The following ABHD5 variants were observed in gnomAD, a reference collection of about 807,000 sequenced individuals.
ABHD5 encodes 1-acylglycerol-3-phosphate O-acyltransferase ABHD5.
ABHD5 carries 30 observed loss-of-function variants against 44.9 expected under a neutral mutation model. That is an observed-to-expected ratio of 0.67 (90% confidence interval 0.50 to 0.91). The LOEUF (loss-of-function observed/expected upper bound fraction) is 0.91, where lower values mean the gene tolerates loss of function less well. Among genes scored for constraint, ABHD5 ranks in the 40% least tolerant of loss-of-function variants. ABHD5 has a pLI of 0.00. For missense variants in ABHD5, 399 were observed against 423.4 expected, an observed-to-expected ratio of 0.94 and a Z score of 0.50; for synonymous variants, 167 against 147.0, an observed-to-expected ratio of 1.14 and a Z score of -0.99.
intron 7 of ABHD5, among the ~76,000 whole-genome samples, chr3:43,733,151 C>G (rs1321256991): frequency 6.6e-6 from 1 of 152,200 alleles, no homozygotes; most frequent in East Asian, 1.9e-4. Flanking sequence ...CAGGTTTCAT[C>G]CACACTCAGG....
At chr3:43,694,312 C>G in intron 1 of ABHD5, among the ~76,000 whole-genome samples, 1 of 149,022 alleles carries the variant, frequency 6.7e-6, no homozygotes, top group East Asian at 2.0e-4. Flanking sequence ...ATTATATTGG[C>G]TTAATCATTG....
At position 43,699,820 on chromosome 3, in the gene ABHD5, G is replaced by A. The variant is rs534872131; in HGVS notation, c.133+459G>A. 195 of 164,914 alleles carry A rather than the reference G, an allele frequency of 1.2e-3. 2 individuals are homozygous for A. The highest frequency in any genetic ancestry group is 4.1e-3 in the African/African-American group (169 of 41,602). 10.2% of individuals were successfully genotyped at this position (164,914 alleles called of 1,614,324 possible). A position where few individuals can be genotyped will look rare whatever the true frequency, so the allele number is the denominator to read the frequency against. On this transcript the variant is annotated intron_variant, in intron 2 of 6. Transcript: ENST00000644371. ...GTCTTTAATGTCTAGCTTGACATAA[G>A]GTTGCTGCTTCTGCTTTCAGTCTGA...
chr3:43,727,759 C>A (rs1272282651), intron 7 of ABHD5, among the ~76,000 whole-genome samples: 1 of 152,190 alleles, frequency 6.6e-6, no homozygotes. Context: ...TAGGCATGCG[C>A]CACCATGCCT....
chr3:43,716,561 A>G (rs1470761416), intron 5 of ABHD5, among the ~76,000 whole-genome samples: 2 of 152,160 alleles, frequency 1.3e-5, no homozygotes, highest in African/African-American at 4.8e-5. Flanking sequence ...CTGTAGCCTC[A>G]GTCTTTTTAA....
At position 43,714,948 on chromosome 3, in the gene ABHD5, T is replaced by A. The variant is rs759010665; in HGVS notation, c.663T>A (p.Gly221=). 1.8e-5 allele frequency: 29 copies of A among 1,609,454 alleles called. No homozygotes were observed. The highest frequency in any genetic ancestry group is 6.0e-6 in the Non-Finnish European group (7 of 1,176,176). The change falls in exon 5 of 7, where the codon GGT becomes GGA. Residue 221 remains glycine (G), a splice_region_variant and synonymous_variant. Transcript: ENST00000644371. ...TTTTTTAAATTTCCTGTTAAATAGG[T>A]TTAAGTCTAGTGCAGCGTTTAAGGC... ...LAGLRIAGPF[G]LSLVQRLRPD... is the part of the protein sequence containing the mutation.
At chr3:43,694,797 T>C (rs890013654) in intron 1 of ABHD5, 13 of 152,244 alleles carry the variant, frequency 8.5e-5, no homozygotes, top group African/African-American at 3.1e-4. Flanking sequence ...CTAATAGTGA[T>C]AATTTGAATC....
chr3:43,714,334 C>T (rs979094368), intron 4 of ABHD5, among the ~76,000 whole-genome samples: 3 of 151,850 alleles, frequency 2.0e-5, no homozygotes, highest in Non-Finnish European at 2.9e-5. Flanking sequence ...AGGGTTTCAC[C>T]GTGTTGGTCA....
At position 43,729,163 on chromosome 3, in the gene ABHD5, T is replaced by A. The variant is rs138082556; in HGVS notation, c.*30-4717T>A. 3.7e-3 allele frequency among the ~76,000 whole-genome samples: 570 copies of A among 152,134 alleles called. 2 individuals carry two copies. The highest frequency in any genetic ancestry group is 0.013 in the African/African-American group (529 of 41,472). Reference sequence around the variant, plus strand: ...TTCTCTTCCCCAGAAAGGACTGGGGTCAAAGGATGCACAACAGTAACGACT... The same window carrying A: ...TTCTCTTCCCCAGAAAGGACTGGGGACAAAGGATGCACAACAGTAACGACT... On this transcript the variant is annotated intron_variant, in intron 7 of 7. Coordinates refer to the ABHD5 transcript ENST00000454293.
chr3:43,722,011 C>G lies in ABHD5; in HGVS notation c.*3479C>G, dbSNP rs2084842584. On this transcript the variant is annotated 3_prime_UTR_variant, in exon 7 of 7. Coordinates refer to ENST00000644371, the MANE Select transcript of ABHD5 (RefSeq NM_016006.6). Reference sequence around the variant, plus strand: ...CAGGCACTCCAAAAATTACAAATCCCTGTGGATGGTATTTGTTAACTAGCA... The same window carrying G: ...CAGGCACTCCAAAAATTACAAATCCGTGTGGATGGTATTTGTTAACTAGCA... 6.6e-6 allele frequency: 1 copy of G among 152,194 alleles called. No homozygotes were observed. The highest frequency in any genetic ancestry group is 1.9e-4 in the East Asian group (1 of 5,196). 9.4% of individuals were successfully genotyped at this position (152,194 alleles called of 1,614,324 possible).
chr3:43,714,225 C>A (rs1294532320), intron 4 of ABHD5, among the ~76,000 whole-genome samples: 4 of 151,436 alleles, frequency 2.6e-5, no homozygotes, highest in Non-Finnish European at 5.9e-5. Flanking sequence ...ACCTCCACCT[C>A]CCAGGTTCAA....
chr3:43,700,044 C>T (rs1197871456), intron 2 of ABHD5, among the ~76,000 whole-genome samples: 1 of 152,148 alleles, frequency 6.6e-6, no homozygotes, highest in East Asian at 1.9e-4. Flanking sequence ...GAGCAAGCAG[C>T]CTTGTATAGT....
At chr3:43,711,288 T>G (rs1310002266) in intron 3 of ABHD5, among the ~76,000 whole-genome samples, 2 of 152,232 alleles carry the variant, frequency 1.3e-5, no homozygotes, top group African/African-American at 4.8e-5. Flanking sequence ...GGCTATTTTA[T>G]AAGAATGTGA....
downstream of ABHD5, among the ~76,000 whole-genome samples, chr3:43,726,047 G>A (rs1426766457): frequency 6.6e-6 from 1 of 151,990 alleles, no homozygotes; most frequent in East Asian, 1.9e-4. Flanking sequence ...TGTATTTTTA[G>A]TAGAGACAGG....
At chr3:43,729,707 G>A (rs914221112) in intron 7 of ABHD5, among the ~76,000 whole-genome samples, 3 of 152,206 alleles carry the variant, frequency 2.0e-5, no homozygotes, top group Admixed American at 6.5e-5. Context: ...AGCTACCAGT[G>A]CCTTAGCCAG....
In ABHD5 at chr3:43,719,515, T is replaced by TA. The variant is rs2084808550; in HGVS notation, c.*984dup. On this transcript the variant is annotated 3_prime_UTR_variant, in exon 7 of 7. Coordinates refer to ENST00000644371, the MANE Select transcript of ABHD5 (RefSeq NM_016006.6). ...AAAATAGAAAAACAAGTGGTGCTAT[T>TA]ATGTCTCATGGCACCAGAAATGAGC... 1.3e-5 allele frequency: 2 copies of TA among 152,198 alleles called. No individual in the cohort carries two copies. Among genetic ancestry groups the TA allele is most frequent in the Non-Finnish European group, 2.9e-5 (2 of 68,028 alleles). 9.4% of individuals were successfully genotyped at this position (152,198 alleles called of 1,614,324 possible).
intron 1 of ABHD5, among the ~76,000 whole-genome samples, chr3:43,698,736 G>A (rs374742169): frequency 6.6e-5 from 10 of 152,276 alleles, no homozygotes; most frequent in African/African-American, 1.2e-4. Flanking sequence ...GAGATTGTAC[G>A]CAGACCAGCC....
intron 7 of ABHD5, among the ~76,000 whole-genome samples, chr3:43,732,637 A>C (rs1196355593): frequency 6.6e-6 from 1 of 152,254 alleles, no homozygotes; most frequent in Non-Finnish European, 1.5e-5. Flanking sequence ...AATTAATTTT[A>C]AATATGTAAA....
In ABHD5 at chr3:43,711,776, A is replaced by T. The variant is rs758222621; in HGVS notation, c.574A>T (p.Arg192Ter). The T allele has an allele frequency of 6.2e-7, 1 of 1,614,220 alleles. No homozygotes were observed. Among genetic ancestry groups the T allele is most frequent in the Non-Finnish European group, 8.5e-7 (1 of 1,180,030 alleles). ...PERPDLADQD[R>*]PIPVWIRALG... Reference sequence around the variant, plus strand: ...ACGACCAGACCTTGCTGATCAAGACAGACCAATTCCAGTTTGGATCAGAGC... The same window carrying T: ...ACGACCAGACCTTGCTGATCAAGACTGACCAATTCCAGTTTGGATCAGAGC... Residue 192 changes from arginine to a stop codon, truncating the protein, a stop_gained, in exon 4 of 7, where the codon AGA becomes TGA. Transcript: ENST00000644371. LOFTEE classifies it high-confidence loss of function.
chr3:43,693,683 G>A (rs1349769139), intron 1 of ABHD5, among the ~76,000 whole-genome samples: 2 of 149,946 alleles, frequency 1.3e-5, no homozygotes, highest in African/African-American at 2.5e-5. Context: ...GACATTCTAG[G>A]TCTTAATGAC....
Sources: gnomAD v4.1 joint callset for allele counts (sites outside exome capture counted in the v4.1 genomes callset) on GRCh38, gnomAD v4.1.1 for gene constraint, MANE v1.5 for transcripts, NCBI Gene and HGNC (gene_info 2026-07-23, HGNC 2026-07-21) for gene names.